MYO1E: variants seen among roughly 807,000 people sequenced by gnomAD.
MYO1E encodes the protein myosin IE, also known as unconventional myosin-Ie.
MYO1E carries 68 observed loss-of-function variants against 151.1 expected under a neutral mutation model. That is an observed-to-expected ratio of 0.45 (90% CI 0.37 to 0.55). The LOEUF is 0.55. MYO1E is among the 20% of genes least tolerant of loss of function. The pLI is 0.00. For missense variants in MYO1E, 1,363 were observed against 1,389.3 expected (o/e 0.98, Z 0.30); for synonymous variants, 601 against 501.7 (o/e 1.20, Z -2.64).
At chr15:59,209,799 T>C (rs1480882781) in intron 13 of MYO1E, among the ~76,000 whole-genome samples, 1 of 148,520 alleles carries the variant, frequency 6.7e-6, no homozygotes, top group East Asian at 2.0e-4. Flanking sequence ...TCTGTATCAC[T>C]TTTATTTTGA....
rs1414916047 is a variant in MYO1E, at chr15:59,272,425, G to A, written c.28C>T (p.His10Tyr). 1.2e-6 allele frequency: 2 copies of A among 1,614,022 alleles called. No individual in the cohort carries two copies. The highest frequency in any genetic ancestry group is 2.2e-5 in the South Asian group (2 of 91,082). Residue 10 changes from histidine to tyrosine, a missense_variant, in exon 2 of 28, where the codon CAC becomes TAC. His to Tyr is a moderately conservative substitution (Grantham distance 83). Transcript: ENST00000288235. ...TGCTTGACATTGTGGCTTTGCCAGT[G>A]GTACTGGTAGACACCTTTGCTTCCC... MGSKGVYQY[H>Y]WQSHNVKHSG...
intron 26 of MYO1E, among the ~76,000 whole-genome samples, chr15:59,144,747 C>G (rs1325801114): frequency 6.6e-6 from 1 of 152,210 alleles, no homozygotes. Context: ...TTGGTGGGAA[C>G]AGCCATTTTC....
rs576371865 is a variant in MYO1E, at chr15:59,300,923, A to G, written c.4-28474T>C. 7.6e-5 allele frequency among the ~76,000 whole-genome samples: 10 copies of G among 132,012 alleles called. No homozygotes were observed. The South Asian group carries it at 1.6e-3, about 21-fold the overall frequency. 86.6% of individuals were successfully genotyped at this position (132,012 alleles called of 152,430 possible). A position where few individuals can be genotyped will look rare whatever the true frequency, so the allele number is the denominator to read the frequency against. ...TGCTCTGTTGCCCAGGCTAGAGTGCACTGGCACCATGCCAGCTCATTGCAA... is the reference window on the plus strand; with the variant it reads ...TGCTCTGTTGCCCAGGCTAGAGTGCGCTGGCACCATGCCAGCTCATTGCAA... On this transcript the variant is annotated intron_variant, in intron 1 of 27. Coordinates refer to ENST00000288235, the MANE Select transcript of MYO1E (RefSeq NM_004998.4).
At chr15:59,200,111 G>T (rs1483050898) in intron 16 of MYO1E, among the ~76,000 whole-genome samples, 1 of 152,084 alleles carries the variant, frequency 6.6e-6, no homozygotes, top group Non-Finnish European at 1.5e-5. Flanking sequence ...AACCAGACAA[G>T]CATACGAAGG....
intron 1 of MYO1E, among the ~76,000 whole-genome samples, chr15:59,354,656 G>A (rs1246321545): frequency 5.9e-5 from 9 of 152,174 alleles, no homozygotes. Context: ...CTCTTTGTTC[G>A]GAGTTGGGAG....
rs151204497 is a variant in MYO1E at position 59,209,459 on chromosome 15, C to T, written c.1363-611G>A. Among the ~76,000 whole-genome samples the T allele has an allele frequency of 5.4e-3, 816 of 152,036 alleles. 13 individuals carry two copies. Among genetic ancestry groups the T allele is most frequent in the African/African-American group, 0.018 (758 of 41,460 alleles). On this transcript the variant is annotated intron_variant, in intron 13 of 27. Transcript: ENST00000288235. ...TTAGGAGGCCGAGGGGGGTGGATCA[C>T]GAGGTCAGGAGTTCAAGACCAGCCT...
At chr15:59,210,300 T>C (rs576782454) in intron 13 of MYO1E, among the ~76,000 whole-genome samples, 27 of 151,050 alleles carry the variant, frequency 1.8e-4, no homozygotes, top group African/African-American at 6.2e-4. Context: ...CATTTGTACA[T>C]TGACATTTTA....
chr15:59,173,923 T>G lies in MYO1E; in HGVS notation c.2165-8A>C, dbSNP rs1161094188. 6.2e-7 allele frequency: 1 copy of G among 1,613,794 alleles called. No individual in the cohort carries two copies. Among genetic ancestry groups the G allele is most frequent in the Non-Finnish European group, 8.5e-7 (1 of 1,179,838 alleles). On this transcript the variant is annotated splice_region_variant and splice_polypyrimidine_tract_variant and intron_variant, in intron 20 of 27. Transcript: ENST00000288235. ...TCAATAAGAGGTCTGAGGCTACAAT[T>G]CCCAAGAGGGTCAAGATGGAAGAAG... is the stretch of plus-strand genomic sequence containing the variant.
chr15:59,161,164 C>A lies in MYO1E; in HGVS notation c.2694G>T (p.Gln898His), dbSNP rs760921930. 6.2e-7 allele frequency: 1 copy of A among 1,614,136 alleles called. No homozygotes were observed. The highest frequency in any genetic ancestry group is 8.5e-7 in the Non-Finnish European group (1 of 1,180,020). ...CCAGGTCCCCAAACCCTTGGTGGAA[C>A]TGCACTTGCCGGGAGCCCCCTGCAC... ...PWSAGGSRQVQFHQGFGDLAV... is the reference protein window; with the variant it reads ...PWSAGGSRQVHFHQGFGDLAV... The change falls in exon 24 of 28, where the codon CAG (glutamine) becomes CAT (histidine). Residue 898 changes from glutamine to histidine, a missense_variant. Physicochemically the swap from Gln to His is conservative, Grantham distance 24. Coordinates refer to ENST00000288235, the MANE Select transcript of MYO1E (RefSeq NM_004998.4).
chr15:59,203,511 C>T (rs909319526), intron 15 of MYO1E, among the ~76,000 whole-genome samples: 3 of 151,976 alleles, frequency 2.0e-5, no homozygotes, highest in Non-Finnish European at 4.4e-5. Flanking sequence ...TCCTGAGTAG[C>T]TGGGACTACA....
chr15:59,284,316 G>A (rs533431537), intron 1 of MYO1E, among the ~76,000 whole-genome samples: 106 of 152,312 alleles, frequency 7.0e-4, no homozygotes, highest in African/African-American at 2.3e-3. Context: ...TTTCCAAGGC[G>A]TTCCTATTTG....
chr15:59,239,114 G>A (rs1212096720), intron 4 of MYO1E, among the ~76,000 whole-genome samples: 1 of 151,418 alleles, frequency 6.6e-6, no homozygotes, highest in African/African-American at 2.4e-5. Flanking sequence ...GCTGAGGCAG[G>A]AGAATCTCTT....
At chr15:59,361,267 A>G (rs1342272495) in intron 1 of MYO1E, among the ~76,000 whole-genome samples, 1 of 152,228 alleles carries the variant, frequency 6.6e-6, no homozygotes, top group African/African-American at 2.4e-5. Flanking sequence ...AGTGCACAAA[A>G]TCATAAGAAA....
At chr15:59,255,599 C>A (rs1290972028) in intron 4 of MYO1E, among the ~76,000 whole-genome samples, 5 of 152,028 alleles carry the variant, frequency 3.3e-5, no homozygotes, top group African/African-American at 1.2e-4. Flanking sequence ...GCACTTAAGG[C>A]AGGAGTATCC....
At chr15:59,322,936 C>T (rs1156429188) in intron 1 of MYO1E, among the ~76,000 whole-genome samples, 1 of 149,126 alleles carries the variant, frequency 6.7e-6, no homozygotes, top group Admixed American at 6.7e-5. Flanking sequence ...ACGAGGTGGG[C>T]GGATCACGAG....
At chr15:59,206,983 A>T (rs2079839481) in intron 14 of MYO1E, 1 of 1,614,030 alleles carries the variant, frequency 6.2e-7, no homozygotes, top group Admixed American at 1.7e-5. Context: ...CCAGAGAGTG[A>T]GCTCGGTGGG....
In MYO1E at chr15:59,254,870, G is replaced by A. The variant is rs563604637; in HGVS notation, c.332+1414C>T. Among the ~76,000 whole-genome samples, 12 of 152,104 alleles carry A rather than the reference G, an allele frequency of 7.9e-5. No homozygotes were observed. The East Asian group carries it at 2.3e-3, about 29-fold the overall frequency. Reference sequence around the variant, plus strand: ...ATATGGAGTCTCAGTCTGTCGCCCAGGCTGGACTGCAGTGGCGTGATCTTG... The same window carrying A: ...ATATGGAGTCTCAGTCTGTCGCCCAAGCTGGACTGCAGTGGCGTGATCTTG... On this transcript the variant is annotated intron_variant, in intron 4 of 27. Transcript: ENST00000288235.
At chr15:59,152,095 G>C (rs1261777307) in intron 26 of MYO1E, among the ~76,000 whole-genome samples, 2 of 152,004 alleles carry the variant, frequency 1.3e-5, no homozygotes, top group Admixed American at 1.3e-4. Flanking sequence ...TGGGTGTGGT[G>C]GTGCGTGCCT....
intron 6 of MYO1E, among the ~76,000 whole-genome samples, chr15:59,228,299 T>G (rs1397160296): frequency 6.6e-6 from 1 of 151,972 alleles, no homozygotes; most frequent in East Asian, 1.9e-4. Flanking sequence ...CTGGTCAACA[T>G]GGTGAAACCC....
Sources: gnomAD v4.1 joint callset for allele counts (sites outside exome capture counted in the v4.1 genomes callset) on GRCh38, gnomAD v4.1.1 for gene constraint, MANE v1.5 for transcripts, NCBI Gene and HGNC (gene_info 2026-07-23, HGNC 2026-07-21) for gene names.